Variants in HERC4 observed in about 807,000 individuals in gnomAD.
The protein encoded by HERC4 is HECT and RLD domain containing E3 ubiquitin protein ligase 4.
In HERC4, 28 loss-of-function variants were observed where a neutral mutation model predicts 124.3. That is an observed-to-expected ratio of 0.23 (90% CI 0.17 to 0.31). The LOEUF (loss-of-function observed/expected upper bound fraction) is 0.31. Ranked by LOEUF, HERC4 falls within the 10% of genes least tolerant of loss-of-function variation. The pLI, the probability that HERC4 is intolerant of heterozygous loss-of-function variation, is 1.00. For missense variants in HERC4, 713 were observed against 1,229.3 expected (o/e 0.58, Z 6.28); for synonymous variants, 407 against 421.5 (o/e 0.97, Z 0.42).
chr10:68,002,183 AC>A (rs144546824), intron 9 of HERC4, among the ~76,000 whole-genome samples: 14,022 of 152,134 alleles, frequency 0.092, 1,063 homozygotes, highest in East Asian at 0.4. Context: ...TATAAAAAAA[AC>A]ATCAAGTTTA....
intron 4 of HERC4, among the ~76,000 whole-genome samples, chr10:68,042,360 T>C (rs1386370234): frequency 2.0e-5 from 3 of 152,148 alleles, no homozygotes; most frequent in African/African-American, 7.2e-5. Flanking sequence ...CACAGTGGCT[T>C]ACGCCTGTAA....
intron 4 of HERC4, chr10:68,040,289 G>T (rs558145774): frequency 1.0e-6 from 1 of 979,468 alleles, no homozygotes; most frequent in East Asian, 1.1e-4. Context: ...GAGACCAGAA[G>T]TATATTCTTC....
intron 15 of HERC4, among the ~76,000 whole-genome samples, chr10:67,979,702 A>G (rs748975493): frequency 6.6e-6 from 1 of 152,132 alleles, no homozygotes; most frequent in Non-Finnish European, 1.5e-5. Flanking sequence ...CAGAAAGAGA[A>G]AAAAACAAGA....
At chr10:67,956,779 G>C in intron 17 of HERC4, 99 bp downstream of exon 17, 1 of 643,212 alleles carries the variant, frequency 1.6e-6, no homozygotes, top group Non-Finnish European at 2.6e-6. Context: ...AGTACTTTGT[G>C]TACCTTCATT....
chr10:68,046,291 C>G (rs2040009450), intron 3 of HERC4, among the ~76,000 whole-genome samples: 1 of 152,118 alleles, frequency 6.6e-6, no homozygotes, highest in Admixed American at 6.5e-5. Flanking sequence ...AAGGAAGTAG[C>G]AGAAAATGAT....
chr10:67,959,539 A>T (rs2034365905), intron 16 of HERC4, among the ~76,000 whole-genome samples: 1 of 152,208 alleles, frequency 6.6e-6, no homozygotes, highest in African/African-American at 2.4e-5. Flanking sequence ...TAAGACTTTA[A>T]AATCTCAGCA....
chr10:68,009,421 CTG>C (rs1018923644), intron 9 of HERC4, among the ~76,000 whole-genome samples: 2 of 151,984 alleles, frequency 1.3e-5, no homozygotes, highest in Non-Finnish European at 2.9e-5. Flanking sequence ...GGCCAATATA[CTG>C]TAGTCTATTA....
At chr10:68,002,026 G>A (rs2037264210) in intron 9 of HERC4, among the ~76,000 whole-genome samples, 1 of 151,986 alleles carries the variant, frequency 6.6e-6, no homozygotes, top group South Asian at 2.1e-4. Flanking sequence ...CTAAATTGCA[G>A]CAAAAACGAC....
chr10:68,004,849 A>C (rs545995573), intron 9 of HERC4, among the ~76,000 whole-genome samples: 1 of 152,294 alleles, frequency 6.6e-6, no homozygotes, highest in African/African-American at 2.4e-5. Flanking sequence ...CAGGAAACCG[A>C]TTCCATGATT....
chr10:67,978,701 G>A (rs2035748150), intron 15 of HERC4, among the ~76,000 whole-genome samples: 1 of 152,228 alleles, frequency 6.6e-6, no homozygotes, highest in Non-Finnish European at 1.5e-5. Context: ...CTGATCCAGT[G>A]TAGTCCCAGT....
chr10:67,929,237 G>A (rs1237880528), intron 23 of HERC4, among the ~76,000 whole-genome samples: 1 of 152,014 alleles, frequency 6.6e-6, no homozygotes, highest in Non-Finnish European at 1.5e-5. Flanking sequence ...ATATTCTGGG[G>A]TGTATACAGT....
intron 21 of HERC4, 31 bp from the exon 22 acceptor site, chr10:67,936,266 T>C (rs1273320915): frequency 3.8e-6 from 5 of 1,299,062 alleles, no homozygotes; most frequent in East Asian, 2.4e-5. Flanking sequence ...AAAAAGTCAA[T>C]GTCAGACTCA....
At position 67,922,882 on chromosome 10, in the gene HERC4, C is replaced by CA; in HGVS notation, c.*48dup. The CA allele has an allele frequency of 7.8e-7, 1 of 1,287,702 alleles. No homozygotes were observed. Among genetic ancestry groups the CA allele is most frequent in the Non-Finnish European group, 1.1e-6 (1 of 917,962 alleles). The allele number at this position is 1,287,702 out of a possible 1,614,324, so 79.8% of individuals were successfully genotyped here. A position where few individuals can be genotyped will look rare whatever the true frequency, so the allele number is the denominator to read the frequency against. ...TGAATTCATCACCACAAGAAAAACA[C>CA]AAATAGTTTAATGCTTTTGCACTAA... On this transcript the variant is annotated 3_prime_UTR_variant, in exon 25 of 25. Coordinates refer to ENST00000373700, the MANE Select transcript of HERC4 (RefSeq NM_015601.4).
intron 9 of HERC4, among the ~76,000 whole-genome samples, chr10:68,003,455 G>A (rs971962498): frequency 5.3e-5 from 8 of 151,594 alleles, no homozygotes; most frequent in African/African-American, 1.9e-4. Flanking sequence ...TTACAGGGGT[G>A]AGCCACCCCA....
At chr10:67,950,457 GTA>G (rs1310413186) in intron 19 of HERC4, among the ~76,000 whole-genome samples, 3 of 152,046 alleles carry the variant, frequency 2.0e-5, no homozygotes, top group Non-Finnish European at 4.4e-5. Context: ...TGTATTTTTA[GTA>G]GAGACAGGGT....
Position 68,059,715 on chromosome 10 carries a change from ATAT to A in HERC4, c.226+13165_226+13167del, listed in dbSNP as rs1348548993. Reference sequence around the variant, plus strand: ...ATATATTATAATATTATATATCATAATATTATATATTATATATCATAATATTAT... The same window carrying A: ...ATATATTATAATATTATATATCATAATATATATTATATATCATAATATTAT... On this transcript the variant is annotated intron_variant, in intron 3 of 24. Coordinates refer to ENST00000373700, the MANE Select transcript of HERC4 (RefSeq NM_015601.4). 9.4e-4 allele frequency among the ~76,000 whole-genome samples: 49 copies of A among 52,038 alleles called. 12 individuals are homozygous for A. Among genetic ancestry groups the A allele is most frequent in the Admixed American group, 1.1e-3 (3 of 2,826 alleles). The allele number at this position is 52,038 out of a possible 152,430, so 34.1% of individuals were successfully genotyped here. A position where few individuals can be genotyped will look rare whatever the true frequency, so the allele number is the denominator to read the frequency against.
chr10:68,064,319 C>T lies in HERC4; in HGVS notation c.226+8564G>A, dbSNP rs114788596. On this transcript the variant is annotated intron_variant, in intron 3 of 24. Coordinates refer to ENST00000373700, the MANE Select transcript of HERC4 (RefSeq NM_015601.4). ...AGGTAATCCCAGCAATTTGGGATGTCGTGGCAGATGGATCACCTGAGGTCA... is the reference window on the plus strand; with the variant it reads ...AGGTAATCCCAGCAATTTGGGATGTTGTGGCAGATGGATCACCTGAGGTCA... Among the ~76,000 whole-genome samples, 1,086 of 151,978 alleles carry T rather than the reference C, an allele frequency of 7.1e-3. 13 individuals are homozygous for T. The highest frequency in any genetic ancestry group is 0.025 in the African/African-American group (1,029 of 41,452).
At chr10:67,978,260 G>A (rs773979901) in intron 15 of HERC4, among the ~76,000 whole-genome samples, 12 of 152,178 alleles carry the variant, frequency 7.9e-5, no homozygotes, top group African/African-American at 2.2e-4. Flanking sequence ...AGGAGACTCC[G>A]TCTCCAAACA....
At chr10:67,997,697 T>C (rs2036973168) in intron 9 of HERC4, among the ~76,000 whole-genome samples, 1 of 152,200 alleles carries the variant, frequency 6.6e-6, no homozygotes, top group Non-Finnish European at 1.5e-5. Flanking sequence ...CTCTTGCTTT[T>C]CAAATTTGCA....
Sources: allele counts gnomAD v4.1 joint callset (sites outside exome capture counted in the v4.1 genomes callset), GRCh38; gene constraint gnomAD v4.1.1; transcripts MANE v1.5; gene names NCBI Gene and HGNC (gene_info 2026-07-23, HGNC 2026-07-21).